ADAM23: variants seen among roughly 807,000 people sequenced by gnomAD.
ADAM23 encodes ADAM metallopeptidase domain 23.
In ADAM23, 33 loss-of-function variants were observed where a neutral mutation model predicts 120.1. The ratio of observed to expected loss-of-function variants is 0.27; its 90% confidence interval spans 0.21 to 0.37. The LOEUF is 0.37. Ranked by LOEUF, ADAM23 falls within the 10% of genes least tolerant of loss-of-function variation. ADAM23 has a pLI of 1.00. For synonymous variants in ADAM23, 367 were observed against 375.2 expected, an observed-to-expected ratio of 0.98 and a Z score of 0.25; for missense variants, 862 against 1,058.2, an observed-to-expected ratio of 0.81 and a Z score of 2.57.
At chr2:206,608,626 T>C (rs1436578381) in intron 24 of ADAM23, among the ~76,000 whole-genome samples, 1 of 151,992 alleles carries the variant, frequency 6.6e-6, no homozygotes, top group Non-Finnish European at 1.5e-5. Context: ...CTCTAGACGG[T>C]CAGTGGTTAG....
chr2:206,499,491 T>G (rs1228955400), intron 3 of ADAM23, among the ~76,000 whole-genome samples: 14 of 79,910 alleles, frequency 1.8e-4, no homozygotes, highest in South Asian at 5.1e-4. Context: ...CAGGGACTGT[T>G]GTGGGGTGGG....
At chr2:206,584,347 G>T (rs1698279742) in intron 18 of ADAM23, among the ~76,000 whole-genome samples, 1 of 152,198 alleles carries the variant, frequency 6.6e-6, no homozygotes. Flanking sequence ...CCTGCCACAA[G>T]GTCGTGCTTT....
chr2:206,573,490 A>C (rs1698046978), intron 18 of ADAM23, among the ~76,000 whole-genome samples: 1 of 152,314 alleles, frequency 6.6e-6, no homozygotes, highest in South Asian at 2.1e-4. Context: ...CAGAAAGCAA[A>C]GATATCACTA....
chr2:206,451,575 A>G (rs1192725865), intron 2 of ADAM23, among the ~76,000 whole-genome samples: 1 of 152,158 alleles, frequency 6.6e-6, no homozygotes, highest in Non-Finnish European at 1.5e-5. Flanking sequence ...TAAATATCCT[A>G]CTTAGTTCCT....
At chr2:206,495,205 C>T (rs1696214826) in intron 3 of ADAM23, among the ~76,000 whole-genome samples, 1 of 152,150 alleles carries the variant, frequency 6.6e-6, no homozygotes, top group South Asian at 2.1e-4. Flanking sequence ...TGTCAGATTT[C>T]ACCAAAGTTG....
At position 206,589,524 on chromosome 2, in the gene ADAM23, C is replaced by A; in HGVS notation, c.1958+10C>A. ...TTCAGTGCAGCAAACAGTGAGTGGT[C>A]AGCTCTAAGGGCATAGTCACTGGAC... On this transcript the variant is annotated intron_variant, in intron 21 of 25. Transcript: ENST00000264377. The A allele has an allele frequency of 1.2e-6, 2 of 1,611,396 alleles. No individual in the cohort carries two copies. The highest frequency in any genetic ancestry group is 2.2e-5 in the South Asian group (2 of 90,514).
chr2:206,559,804 G>T, intron 10 of ADAM23, 151 bp from the exon 11 acceptor site: 1 of 642,892 alleles, frequency 1.6e-6, no homozygotes, highest in Non-Finnish European at 2.5e-6. Context: ...TTGGAAAAAA[G>T]AAAGGAAAAG....
intron 2 of ADAM23, among the ~76,000 whole-genome samples, chr2:206,446,771 G>T (rs1695090424): frequency 2.0e-5 from 3 of 151,966 alleles, no homozygotes; most frequent in Admixed American, 2.0e-4. Context: ...ATGTGTCTCT[G>T]TTCTCAGCCA....
At chr2:206,542,391 T>C (rs1310753253) in intron 5 of ADAM23, among the ~76,000 whole-genome samples, 1 of 152,100 alleles carries the variant, frequency 6.6e-6, no homozygotes, top group Non-Finnish European at 1.5e-5. Flanking sequence ...GACAGATGCT[T>C]GTGGAGTGGC....
At chr2:206,457,257 C>G (rs183126644) in intron 2 of ADAM23, among the ~76,000 whole-genome samples, 3 of 152,092 alleles carry the variant, frequency 2.0e-5, no homozygotes, top group African/African-American at 7.2e-5. Flanking sequence ...GCATAACTGC[C>G]AAGATGATTA....
intron 22 of ADAM23, among the ~76,000 whole-genome samples, chr2:206,594,248 A>G (rs1698478378): frequency 6.6e-6 from 1 of 152,156 alleles, no homozygotes. Context: ...AAATATCAAT[A>G]GAAAATAACT....
chr2:206,527,197 T>C (rs755996438), intron 3 of ADAM23, among the ~76,000 whole-genome samples: 7 of 152,232 alleles, frequency 4.6e-5, no homozygotes, highest in Non-Finnish European at 8.8e-5. Flanking sequence ...TCCAATTGGC[T>C]GATCAACAAA....
chr2:206,496,771 GA>G (rs1696259091), intron 3 of ADAM23, among the ~76,000 whole-genome samples: 1 of 151,926 alleles, frequency 6.6e-6, no homozygotes, highest in South Asian at 2.1e-4. Context: ...TAATAAAGAA[GA>G]AAAGAGAGAA....
chr2:206,597,171 A>G (rs1360273479), intron 24 of ADAM23, among the ~76,000 whole-genome samples: 1 of 142,762 alleles, frequency 7.0e-6, no homozygotes, highest in Non-Finnish European at 1.5e-5. Context: ...CGCCCCTCTT[A>G]CATCATCTTT....
rs986564340 is a variant in ADAM23, at chr2:206,444,060, G to C, written c.194G>C (p.Trp65Ser). The change falls in exon 1 of 26, where the codon TGG becomes TCG. Residue 65 changes from tryptophan (W) to serine (S), a missense_variant. Trp to Ser is a radical substitution (Grantham distance 177). Transcript: ENST00000264377. ...PLAASSRPRA[W>S]GAAAPSAPHW... ...GCCGCCTCGTCCCGGCCCCGCGCCT[G>C]GGGGGCTGCTGCGCCCAGCGGTGGG... 1.4e-6 allele frequency: 2 copies of C among 1,384,480 alleles called. No homozygotes were observed. Among genetic ancestry groups the C allele is most frequent in the Non-Finnish European group, 1.9e-6 (2 of 1,066,598 alleles). 85.8% of individuals were successfully genotyped at this position (1,384,480 alleles called of 1,614,324 possible).
At chr2:206,488,602 T>A (rs921197532) in intron 3 of ADAM23, among the ~76,000 whole-genome samples, 1 of 152,186 alleles carries the variant, frequency 6.6e-6, no homozygotes, top group South Asian at 2.1e-4. Context: ...GCTAGAGTTT[T>A]GTCCACTAAC....
chr2:206,546,783 G>T (rs1284623875), intron 6 of ADAM23, among the ~76,000 whole-genome samples: 1 of 151,914 alleles, frequency 6.6e-6, no homozygotes, highest in Non-Finnish European at 1.5e-5. Context: ...TCTTTGTCAG[G>T]ACTAAATTAA....
At chr2:206,539,984 T>C (rs1697257272) in intron 4 of ADAM23, among the ~76,000 whole-genome samples, 1 of 152,030 alleles carries the variant, frequency 6.6e-6, no homozygotes, top group South Asian at 2.1e-4. Flanking sequence ...ACATCAGAGA[T>C]TGGATGTTGC....
intron 4 of ADAM23, among the ~76,000 whole-genome samples, chr2:206,534,610 T>TA (rs968410120): frequency 5.0e-4 from 76 of 152,312 alleles, no homozygotes; most frequent in African/African-American, 1.8e-3. Flanking sequence ...TCAGTTCTTA[T>TA]AAAATAATAA....
Sources: allele counts gnomAD v4.1 joint callset (sites outside exome capture counted in the v4.1 genomes callset), GRCh38; gene constraint gnomAD v4.1.1; transcripts MANE v1.5; gene names NCBI Gene and HGNC (gene_info 2026-07-23, HGNC 2026-07-21).